ZSWIM8: variants seen among roughly 807,000 people sequenced by gnomAD.
The protein encoded by ZSWIM8 is zinc finger SWIM-type containing 8.
A neutral mutation model predicts 173.7 loss-of-function variants in ZSWIM8; 27 were observed. The observed-to-expected ratio is 0.16, with a 90% CI of 0.11 to 0.21. ZSWIM8 has a LOEUF of 0.21. ZSWIM8 is among the 10% of genes least tolerant of loss of function. The probability of loss-of-function intolerance (pLI) is 1.00; values close to 1 mark genes in which losing one functional copy is unlikely to be tolerated. For synonymous variants in ZSWIM8, 958 were observed against 962.0 expected (o/e 1.00, Z 0.08); for missense variants, 1,627 against 2,428.8 (o/e 0.67, Z 6.94).
chr10:73,796,070 G>A (rs2083637623), intron 15 of ZSWIM8, among the ~76,000 whole-genome samples: 1 of 149,308 alleles, frequency 6.7e-6, no homozygotes, highest in Non-Finnish European at 1.5e-5. Flanking sequence ...AATGAGAAAA[G>A]TGCTATTTTA....
In ZSWIM8 at chr10:73,789,092, C is replaced by G. The variant is rs1261522312; in HGVS notation, c.363-4C>G. The G allele has an allele frequency of 2.5e-6, 4 of 1,613,766 alleles. No homozygotes were observed. Among genetic ancestry groups the G allele is most frequent in the Non-Finnish European group, 3.4e-6 (4 of 1,179,790 alleles). ...TGTGGCTGTGTCCTCTTCTTCACCC[C>G]CAGGCTGTATTCGTGCCTGGCCAAT... On this transcript the variant is annotated splice_polypyrimidine_tract_variant and splice_region_variant and intron_variant, in intron 2 of 25. Transcript: ENST00000604729. The surrounding 1 kb of genome is among the most constrained non-coding windows in gnomAD (Gnocchi z 6.8).
chr10:73,800,142 A>C lies in ZSWIM8; in HGVS notation c.4797A>C (p.Pro1599=). 2 of 1,613,774 alleles carry C rather than the reference A, an allele frequency of 1.2e-6. No individual in the cohort carries two copies. The highest frequency in any genetic ancestry group is 4.5e-5 in the East Asian group (2 of 44,880). The change falls in exon 22 of 26, where the codon CCA becomes CCC. Residue 1599 remains proline (P), a synonymous_variant. Transcript: ENST00000604729. This position sits in a 1 kb window ranked among gnomAD's most constrained non-coding sequence, Gnocchi z 4.1. ...CAGTACATCCCTACCACACAGAGCC[A>C]GGGCTTCCACTGCCCACCAGTGTGG... ...PITVHPYHTE[P]GLPLPTSVAL... is the part of the protein sequence containing the mutation.
intron 1 of ZSWIM8, among the ~76,000 whole-genome samples, chr10:73,786,894 T>C (rs1266363559): frequency 6.6e-6 from 1 of 152,194 alleles, no homozygotes; most frequent in South Asian, 2.1e-4. Context: ...AACTGGCTTG[T>C]GGAGATTTCT....
At chr10:73,799,669 G>T (rs1024498156) in intron 21 of ZSWIM8, 179 bp downstream of exon 21, 24 of 882,330 alleles carry the variant, frequency 2.7e-5, no homozygotes, top group Non-Finnish European at 4.2e-5. Context: ...GGTGGCTCAT[G>T]CCTGTAATCC....
rs756598242 is a variant in ZSWIM8 at position 73,797,934 on chromosome 10, A to G, written c.3816A>G (p.Ser1272=). The G allele has an allele frequency of 1.2e-6, 2 of 1,613,954 alleles. No homozygotes were observed. Among genetic ancestry groups the G allele is most frequent in the East Asian group, 2.2e-5 (1 of 44,882 alleles). Residue 1272 remains serine (S), a synonymous_variant, in exon 19 of 26, where the codon TCA becomes TCG. Coordinates refer to ENST00000604729, the MANE Select transcript of ZSWIM8 (RefSeq NM_001367799.1). This position sits in a 1 kb window ranked among gnomAD's most constrained non-coding sequence, Gnocchi z 5.6. ...CCATTTTCACACATCCATCTTCCTC[A>G]GGGGGCCACCAGGGTCCTCACCGCA... ...STSIFTHPSS[S]GGHQGPHRNL...
chr10:73,798,485 TG>T, intron 20 of ZSWIM8, 32 bp downstream of exon 20: 1 of 1,589,610 alleles, frequency 6.3e-7, no homozygotes. Flanking sequence ...GAACCTCTTC[TG>T]GGGCATCTGG....
At chr10:73,796,735 G>C (rs768336789) in intron 15 of ZSWIM8, 39 bp from the exon 16 acceptor site, 28 of 1,605,618 alleles carry the variant, frequency 1.7e-5, no homozygotes, top group Non-Finnish European at 2.4e-5. Flanking sequence ...AGGGCATCCT[G>C]TCACTGCTTC....
In ZSWIM8 at chr10:73,797,827, C is replaced by A; in HGVS notation, c.3709C>A (p.Gln1237Lys). ...GAGTCATGCCCCTCATGTACCCAAT[C>A]AGCCATCAGAGGCAGCTGCACACTT... ...PESHAPHVPN[Q>K]PSEAAAHFYF... is the part of the protein sequence containing the mutation. The change falls in exon 19 of 26, where the codon CAG becomes AAG. Residue 1237 changes from glutamine to lysine, a missense_variant. Physicochemically the swap from Gln to Lys is moderately conservative, Grantham distance 53. This residue lies in a region of ZSWIM8 where 95 missense variants were observed against 271.3 expected (regional missense o/e 0.35). Transcript: ENST00000604729. The surrounding 1 kb of genome is among the most constrained non-coding windows in gnomAD (Gnocchi z 5.6). 1 of 1,613,834 alleles carries A rather than the reference C, an allele frequency of 6.2e-7. No homozygotes were observed. Among genetic ancestry groups the A allele is most frequent in the Non-Finnish European group, 8.5e-7 (1 of 1,179,852 alleles).
At position 73,799,279 on chromosome 10, in the gene ZSWIM8, C is replaced by G; in HGVS notation, c.4454C>G (p.Thr1485Arg). 1 of 1,600,608 alleles carries G rather than the reference C, an allele frequency of 6.2e-7. No individual in the cohort carries two copies. Among genetic ancestry groups the G allele is most frequent in the Non-Finnish European group, 8.5e-7 (1 of 1,173,964 alleles). The change falls in exon 21 of 26, where the codon ACA becomes AGA. Residue 1485 changes from threonine to arginine, a missense_variant. Around this residue, in one of 18 missense-constraint regions of ZSWIM8, gnomAD observed 275 missense variants for 290.1 expected, o/e 0.95. Coordinates refer to ENST00000604729, the MANE Select transcript of ZSWIM8 (RefSeq NM_001367799.1). ...GCGGCAGCAGTGACAGCAGCAGCCA[C>G]AGTGGTGCCCGTCATATCGGTGGGG... ...VAAAAVTAAA[T>R]VVPVISVGSS...
In ZSWIM8 at chr10:73,798,210, C is replaced by T. The variant is rs1029315558; in HGVS notation, c.3953-20C>T. The T allele has an allele frequency of 1.4e-5, 23 of 1,612,664 alleles. No individual in the cohort carries two copies. The highest frequency in any genetic ancestry group is 2.0e-5 in the Non-Finnish European group (23 of 1,178,800). ...GTGCCCACACTAACCCAACTCTGCC[C>T]TTCTCTCCTTTCCCCTAAGGCCAGG... On this transcript the variant is annotated intron_variant, in intron 19 of 25. Transcript: ENST00000604729.
Position 73,790,810 on chromosome 10 carries a change from T to C in ZSWIM8, c.942-165T>C, listed in dbSNP as rs980730003. 1.6e-4 allele frequency among the ~76,000 whole-genome samples: 25 copies of C among 152,136 alleles called. 1 individual carries two copies. Among genetic ancestry groups the C allele is most frequent in the African/African-American group, 1.9e-4 (8 of 41,416 alleles). On this transcript the variant is annotated intron_variant, in intron 7 of 25. Coordinates refer to ENST00000604729, the MANE Select transcript of ZSWIM8 (RefSeq NM_001367799.1). ...GTTGCAGTGAGGTGAGATCGCGCCA[T>C]TGCACTCAAGCCTGGGCGACAGAGC...
rs891674990 is a variant in ZSWIM8, at chr10:73,800,547, CTTCAT to C, written c.5002+78_5002+82del. ...TCTTCAGAGGACCCTTCCTCTAGCTCTTCATTTGTTTACTGTGGGGTCAGGTGACA... is the reference window on the plus strand; with the variant it reads ...TCTTCAGAGGACCCTTCCTCTAGCTCTTGTTTACTGTGGGGTCAGGTGACA... On this transcript the variant is annotated intron_variant, in intron 23 of 25. Coordinates refer to ENST00000604729, the MANE Select transcript of ZSWIM8 (RefSeq NM_001367799.1). This position sits in a 1 kb window ranked among gnomAD's most constrained non-coding sequence, Gnocchi z 4.1. 6.2e-7 allele frequency: 1 copy of C among 1,602,960 alleles called. No homozygotes were observed. The highest frequency in any genetic ancestry group is 1.3e-5 in the African/African-American group (1 of 74,798).
rs1306836549 is a variant in ZSWIM8 at position 73,789,347 on chromosome 10, A to G, written c.458-20A>G. On this transcript the variant is annotated intron_variant, in intron 3 of 25. Coordinates refer to ENST00000604729, the MANE Select transcript of ZSWIM8 (RefSeq NM_001367799.1). The surrounding 1 kb of genome is among the most constrained non-coding windows in gnomAD (Gnocchi z 6.8). ...CAGGTCCTGACAGCACTCCCTGACC[A>G]TGCCCCCATTTCTCCCCAGGGTTCC... 3 of 1,554,158 alleles carry G rather than the reference A, an allele frequency of 1.9e-6. No individual in the cohort carries two copies. Among genetic ancestry groups the G allele is most frequent in the Non-Finnish European group, 2.6e-6 (3 of 1,148,226 alleles).
At position 73,785,685 on chromosome 10, in the gene ZSWIM8, C is replaced by T. The variant is rs1565065850; in HGVS notation, c.-194C>T. 1.5e-6 allele frequency: 1 copy of T among 667,374 alleles called. No homozygotes were observed. 41.3% of individuals were successfully genotyped at this position (667,374 alleles called of 1,614,324 possible). ...GACTGGCCAAGATCACCGCTTGCAC[C>T]GCGCTGTTGGGCGAGGCCCGGTCCC... On this transcript the variant is annotated 5_prime_UTR_variant, in exon 1 of 26. Transcript: ENST00000604729.
In ZSWIM8 at chr10:73,786,103, G is replaced by T; in HGVS notation, c.208+17G>T. On this transcript the variant is annotated intron_variant, in intron 1 of 25. Transcript: ENST00000604729. ...GAATGCGAGGTGAGAGTGAGCTGGG[G>T]GGAAGAGGAGCGGCAGGCCCTGCTT... 6.5e-7 allele frequency: 1 copy of T among 1,537,444 alleles called. No individual in the cohort carries two copies. The highest frequency in any genetic ancestry group is 8.8e-7 in the Non-Finnish European group (1 of 1,137,142).
chr10:73,792,774 G>A lies in ZSWIM8; in HGVS notation c.2235G>A (p.Glu745=). ...NAQDGAGGEE[E]KAEGGAGEEH... is the part of the protein sequence containing the mutation. ...AGGATGGGGCTGGGGGCGAGGAAGAGAAGGCCGAGGGCGGGGCTGGGGAGG... is the reference window on the plus strand; with the variant it reads ...AGGATGGGGCTGGGGGCGAGGAAGAAAAGGCCGAGGGCGGGGCTGGGGAGG... The change falls in exon 10 of 26, where the codon GAG becomes GAA. Residue 745 remains glutamate (E), a synonymous_variant. Coordinates refer to ENST00000604729, the MANE Select transcript of ZSWIM8 (RefSeq NM_001367799.1). This position sits in a 1 kb window ranked among gnomAD's most constrained non-coding sequence, Gnocchi z 4.3. 1.2e-6 allele frequency: 2 copies of A among 1,610,730 alleles called. No homozygotes were observed. The highest frequency in any genetic ancestry group is 1.1e-5 in the South Asian group (1 of 91,002).
At chr10:73,799,912 CA>C (rs66923275) in intron 21 of ZSWIM8, 98 bp from the exon 22 acceptor site, 32 of 1,031,946 alleles carry the variant, frequency 3.1e-5, no homozygotes, top group African/African-American at 4.8e-5. Flanking sequence ...GACTCTATCT[CA>C]AAAAAAACAT....
intron 1 of ZSWIM8, among the ~76,000 whole-genome samples, chr10:73,787,871 T>C (rs1281244349): frequency 6.6e-6 from 1 of 151,700 alleles, no homozygotes; most frequent in Non-Finnish European, 1.5e-5. Flanking sequence ...TAAATAAAAA[T>C]CAAAAAAATA....
chr10:73,789,003 T>G lies in ZSWIM8; in HGVS notation c.363-93T>G. ...CCCCGCCCTGGGGAAGGAATGAGGC[T>G]AGGGAGAGAGTGCCTAGGGCATTGT... On this transcript the variant is annotated intron_variant, in intron 2 of 25. Transcript: ENST00000604729. The surrounding 1 kb of genome is among the most constrained non-coding windows in gnomAD (Gnocchi z 6.8). The G allele has an allele frequency of 1.4e-6, 1 of 707,782 alleles. No homozygotes were observed. Among genetic ancestry groups the G allele is most frequent in the Non-Finnish European group, 2.2e-6 (1 of 459,156 alleles). 43.8% of individuals were successfully genotyped at this position (707,782 alleles called of 1,614,324 possible). A position where few individuals can be genotyped will look rare whatever the true frequency, so the allele number is the denominator to read the frequency against.
Sources: gnomAD v4.1 joint callset for allele counts (sites outside exome capture counted in the v4.1 genomes callset) on GRCh38, gnomAD v4.1.1 for gene constraint, gnomAD v4.1.1 regional missense constraint, Gnocchi (gnomAD v3.1) non-coding constraint, MANE v1.5 for transcripts, NCBI Gene and HGNC (gene_info 2026-07-23, HGNC 2026-07-21) for gene names.